The following PSG9 variants were observed in gnomAD, a reference collection of about 807,000 sequenced individuals.
PSG9 encodes the protein pregnancy specific beta-1-glycoprotein 9.
PSG9 carries 49 observed loss-of-function variants against 41.9 expected under a neutral mutation model. The ratio of observed to expected loss-of-function variants is 1.17; its 90% CI spans 0.93 to 1.48. The LOEUF (loss-of-function observed/expected upper bound fraction) is 1.48, where lower values mean the gene tolerates loss of function less well. Ranked by LOEUF, PSG9 falls within the 40% of genes most tolerant of loss-of-function variation. The pLI is 0.00. For synonymous variants in PSG9, 263 were observed against 196.8 expected (o/e 1.34, Z -2.82); for missense variants, 641 against 520.3 (o/e 1.23, Z -2.26).
intron 3 of PSG9, 47 bp from the exon 4 acceptor site, chr19:43,259,182 T>G: frequency 6.4e-7 from 1 of 1,574,312 alleles, no homozygotes. Flanking sequence ...CACCTTTGAT[T>G]CCTCCACAGG....
In PSG9 at chr19:43,261,895, G is replaced by A. The variant is rs747318580; in HGVS notation, c.674C>T (p.Ala225Val). The A allele has an allele frequency of 8.1e-6, 13 of 1,613,942 alleles. No homozygotes were observed. The African/African-American group carries it at 1.2e-4, about 15-fold the overall frequency. ...YECEIRNPVS[A>V]SRSDPVTLNL... is the part of the protein sequence containing the mutation. ...CAGGGTGACTGGGTCACTGCGACTGGCACTCACTGGGTTCCGTATTTCACA... is the reference window on the plus strand; with the variant it reads ...CAGGGTGACTGGGTCACTGCGACTGACACTCACTGGGTTCCGTATTTCACA... The change falls in exon 3 of 6, where the codon GCC becomes GTC. Residue 225 changes from alanine (A) to valine (V), a missense_variant. Physicochemically the swap from Ala to Val is moderately conservative, Grantham distance 64. Transcript: ENST00000270077.
intron 1 of PSG9, 36 bp downstream of exon 1, chr19:43,269,332 C>T: frequency 6.2e-7 from 1 of 1,613,070 alleles, no homozygotes; most frequent in Admixed American, 1.7e-5. Flanking sequence ...ACTCCGCTTC[C>T]TCCCCCTGTC....
In PSG9 at chr19:43,268,740, GT is replaced by G. The variant is rs878914818; in HGVS notation, c.65-592del. Among the ~76,000 whole-genome samples, 786 of 151,616 alleles carry G rather than the reference GT, an allele frequency of 5.2e-3. 9 individuals carry two copies. The highest frequency in any genetic ancestry group is 0.017 in the African/African-American group (703 of 41,360). On this transcript the variant is annotated intron_variant, in intron 1 of 5. Transcript: ENST00000270077. Reference sequence around the variant, plus strand: ...TCTCAGGGCCCTCCATGCCCTGGGTGTTTTTTTTTCCCCCAATTGTTGAGGT... The same window carrying G: ...TCTCAGGGCCCTCCATGCCCTGGGTGTTTTTTTTCCCCCAATTGTTGAGGT...
Position 43,253,397 on chromosome 19 carries a change from ACAAAAG to A in PSG9, c.*206_*211del. On this transcript the variant is annotated 3_prime_UTR_variant, in exon 6 of 6. Coordinates refer to ENST00000270077, the MANE Select transcript of PSG9 (RefSeq NM_002784.5). ...AAAGCAAATATTTCAATTTTTGTTT[ACAAAAG>A]TATACTTTACCAATTGCTGAAGAAA... 2.5e-6 allele frequency: 1 copy of A among 407,978 alleles called. No individual in the cohort carries two copies. Among genetic ancestry groups the A allele is most frequent in the Non-Finnish European group, 4.3e-6 (1 of 233,194 alleles). The allele number at this position is 407,978 out of a possible 1,614,324, so 25.3% of individuals were successfully genotyped here. A position where few individuals can be genotyped will look rare whatever the true frequency, so the allele number is the denominator to read the frequency against.
Position 43,257,320 on chromosome 19 carries a change from G to T in PSG9, c.1243+882C>A, listed in dbSNP as rs932323302. On this transcript the variant is annotated intron_variant, in intron 5 of 5. Coordinates refer to ENST00000270077, the MANE Select transcript of PSG9 (RefSeq NM_002784.5). ...AATTGCACACATAGAAATAGTTAAT[G>T]GTAAGTCTTATATTAGATATATATA... is the stretch of plus-strand genomic sequence containing the variant. The T allele has an allele frequency of 3.0e-4, 269 of 902,480 alleles. 8 individuals carry two copies. Among genetic ancestry groups the T allele is most frequent in the Non-Finnish European group, 3.3e-4 (255 of 763,412 alleles). The allele number at this position is 902,480 out of a possible 1,614,324, so 55.9% of individuals were successfully genotyped here. A position where few individuals can be genotyped will look rare whatever the true frequency, so the allele number is the denominator to read the frequency against.
chr19:43,268,866 G>A (rs1238020225), intron 1 of PSG9, among the ~76,000 whole-genome samples: 1 of 152,134 alleles, frequency 6.6e-6, no homozygotes, highest in Non-Finnish European at 1.5e-5. Flanking sequence ...GGTGGCCCCG[G>A]ATGATTAATC....
rs140864598 is a variant in PSG9 at position 43,258,189 on chromosome 19, G to T, written c.1243+13C>A. The T allele has an allele frequency of 6.9e-4, 1,091 of 1,592,564 alleles. 156 individuals are homozygous for T. The African/African-American group carries it at 0.013, about 19-fold the overall frequency. ...ATAAAACCCTACTGCCAAGGATGCT[G>T]GGATCCACTTACCAGAGACTTTGAC... is the stretch of plus-strand genomic sequence containing the variant. On this transcript the variant is annotated intron_variant, in intron 5 of 5. Coordinates refer to ENST00000270077, the MANE Select transcript of PSG9 (RefSeq NM_002784.5).
At chr19:43,264,654 T>A (rs1968883945) in intron 2 of PSG9, among the ~76,000 whole-genome samples, 1 of 152,162 alleles carries the variant, frequency 6.6e-6, no homozygotes, top group Non-Finnish European at 1.5e-5. Flanking sequence ...AGACAGGGTT[T>A]CACCCTGTTA....
chr19:43,260,303 G>A (rs1353478611), intron 3 of PSG9: 3 of 146,724 alleles, frequency 2.0e-5, no homozygotes, highest in Non-Finnish European at 4.5e-5. Context: ...TATTTCTTAT[G>A]CATAAGTCTT....
At chr19:43,259,718 C>T (rs1421328337) in intron 3 of PSG9, 1 of 150,884 alleles carries the variant, frequency 6.6e-6, no homozygotes, top group Admixed American at 6.3e-5. Flanking sequence ...AGTGGAGGCT[C>T]AAGGTGGGGC....
chr19:43,267,973 A>G lies in PSG9; in HGVS notation c.241T>C (p.Ser81Pro), dbSNP rs747377846. Residue 81 changes from serine (S) to proline (P), a missense_variant, in exon 2 of 6, where the codon TCG (serine) becomes CCG (proline). By Grantham distance (74) the Ser-to-Pro change is moderately conservative. Transcript: ENST00000270077. ...ATTATTTTACCATCAACTATATACG[A>G]TATAATGTAATGGTAGAGGTCCGTC... Reference protein sequence around the residue: ...EMTDLYHYIISYIVDGKIIIY... With the variant: ...EMTDLYHYIIPYIVDGKIIIY... 1.9e-6 allele frequency: 3 copies of G among 1,613,596 alleles called. No individual in the cohort carries two copies. Among genetic ancestry groups the G allele is most frequent in the Non-Finnish European group, 1.7e-6 (2 of 1,179,668 alleles).
chr19:43,268,692 C>T (rs1014167666), intron 1 of PSG9, among the ~76,000 whole-genome samples: 2 of 152,168 alleles, frequency 1.3e-5, no homozygotes, highest in African/African-American at 4.8e-5. Context: ...GGACAGGCTG[C>T]AGACTCCTGT....
In PSG9 at chr19:43,253,352, G is replaced by A. The variant is rs1968337295; in HGVS notation, c.*257C>T. 6.0e-6 allele frequency: 2 copies of A among 330,618 alleles called. 1 individual carries two copies. Among genetic ancestry groups the A allele is most frequent in the Non-Finnish European group, 1.1e-5 (2 of 186,504 alleles). 20.5% of individuals were successfully genotyped at this position (330,618 alleles called of 1,614,324 possible). On this transcript the variant is annotated 3_prime_UTR_variant, in exon 6 of 6. Coordinates refer to ENST00000270077, the MANE Select transcript of PSG9 (RefSeq NM_002784.5). ...ACTCATGAATAGTTTCACAATTCTG[G>A]GGCATTCAGATAGACAGCAAAAGCA...
At chr19:43,254,421 C>G (rs1968373702) in intron 5 of PSG9, among the ~76,000 whole-genome samples, 1 of 146,130 alleles carries the variant, frequency 6.8e-6, no homozygotes, top group Non-Finnish European at 1.5e-5. Context: ...CTGCATTAAA[C>G]CTTTAAAACA....
At chr19:43,263,310 C>T (rs1968813912) in intron 2 of PSG9, among the ~76,000 whole-genome samples, 1 of 152,100 alleles carries the variant, frequency 6.6e-6, no homozygotes. Context: ...GCTCCTTATT[C>T]AGAAAGCTTA....
chr19:43,254,016 C>T (rs756972819), intron 5 of PSG9, among the ~76,000 whole-genome samples: 4 of 145,518 alleles, frequency 2.7e-5, no homozygotes, highest in Non-Finnish European at 6.0e-5. Flanking sequence ...AACTAACATA[C>T]CAGACTTGAT....
intron 1 of PSG9, among the ~76,000 whole-genome samples, chr19:43,268,821 T>C (rs1022902918): frequency 2.0e-5 from 3 of 152,164 alleles, no homozygotes; most frequent in Admixed American, 2.0e-4. Flanking sequence ...TGAAGTGTCA[T>C]CTGATATAGT....
chr19:43,257,851 A>G (rs1968503956), intron 5 of PSG9: 2 of 1,377,948 alleles, frequency 1.5e-6, no homozygotes, highest in Non-Finnish European at 1.9e-6. Context: ...GGTACAAGAA[A>G]AAAAAGACGT....
At chr19:43,263,137 A>G (rs1968805208) in intron 2 of PSG9, among the ~76,000 whole-genome samples, 1 of 152,154 alleles carries the variant, frequency 6.6e-6, no homozygotes, top group Admixed American at 6.5e-5. Flanking sequence ...ACCTCCTATC[A>G]GTGGATTCCA....
Sources: allele counts gnomAD v4.1 joint callset (sites outside exome capture counted in the v4.1 genomes callset), GRCh38; gene constraint gnomAD v4.1.1; transcripts MANE v1.5; gene names NCBI Gene and HGNC (gene_info 2026-07-23, HGNC 2026-07-21).